The following FCHO2 variants were observed in gnomAD, a reference collection of about 807,000 sequenced individuals.
FCHO2 encodes FCH and mu domain containing endocytic adaptor 2, also known as F-BAR domain only protein 2.
Under a neutral mutation model 114.1 loss-of-function variants are expected in FCHO2, and 43 were observed. The observed-to-expected ratio is 0.38, with a 90% CI of 0.30 to 0.49. The LOEUF (loss-of-function observed/expected upper bound fraction) is 0.49, where lower values mean the gene tolerates loss of function less well. FCHO2 is among the 20% of genes least tolerant of loss of function. The pLI, the probability that FCHO2 is intolerant of heterozygous loss-of-function variation, is 0.97. For missense variants in FCHO2, 807 were observed against 950.4 expected, an observed-to-expected ratio of 0.85 and a Z score of 1.98; for synonymous variants, 293 against 315.2, an observed-to-expected ratio of 0.93 and a Z score of 0.75.
intron 23 of FCHO2, 128 bp from the exon 24 acceptor site, chr5:73,082,633 A>T: frequency 1.4e-6 from 1 of 728,446 alleles, no homozygotes; most frequent in Non-Finnish European, 2.3e-6. Flanking sequence ...ACCAGTTAAT[A>T]CTACTTAAAC....
At position 73,052,533 on chromosome 5, in the gene FCHO2, TTATA is replaced by T. The variant is rs759335063; in HGVS notation, c.1173+29_1173+32del. 4 of 1,533,350 alleles carry T rather than the reference TTATA, an allele frequency of 2.6e-6. No homozygotes were observed. In the South Asian group the frequency reaches 4.9e-5, roughly 19 times the overall value. 95.0% of individuals were successfully genotyped at this position (1,533,350 alleles called of 1,614,324 possible). On this transcript the variant is annotated intron_variant, in intron 13 of 25. Coordinates refer to ENST00000430046, the MANE Select transcript of FCHO2 (RefSeq NM_138782.3). ...GTAAGTACAAACACGTTTGTACTCT[TTATA>T]TAAAAGTCTTTATTTTTCTTACCTA...
At chr5:72,958,238 TCTAACCCAAAAATTATTTGC>T (rs1184023499) in intron 1 of FCHO2, among the ~76,000 whole-genome samples, 1 of 152,198 alleles carries the variant, frequency 6.6e-6, no homozygotes, top group Non-Finnish European at 1.5e-5. Context: ...TTTTATTGCA[TCTAACCCAAAAATTATTTGC>T]CTAACCCAAA....
intron 22 of FCHO2, among the ~76,000 whole-genome samples, chr5:73,080,775 A>G (rs941388624): frequency 7.9e-5 from 12 of 152,154 alleles, no homozygotes; most frequent in Non-Finnish European, 1.5e-4. Context: ...TATTCAGTGC[A>G]TGTAATTGCT....
At chr5:73,004,832 G>T (rs1754631640) in intron 5 of FCHO2, among the ~76,000 whole-genome samples, 1 of 152,042 alleles carries the variant, frequency 6.6e-6, no homozygotes, top group South Asian at 2.1e-4. Flanking sequence ...TGTTATAATT[G>T]TTATATTTTA....
At chr5:73,032,240 T>A (rs931181247) in intron 8 of FCHO2, among the ~76,000 whole-genome samples, 7 of 152,236 alleles carry the variant, frequency 4.6e-5, no homozygotes, top group African/African-American at 7.2e-5. Flanking sequence ...ATGGTTTTTT[T>A]AAAAAGGTAG....
rs920300186 is a variant in FCHO2 at position 73,056,105 on chromosome 5, T to A, written c.1251T>A (p.Asn417Lys). The A allele has an allele frequency of 7.9e-6, 12 of 1,527,492 alleles. No individual in the cohort carries two copies. The African/African-American group carries it at 9.8e-5, about 12-fold the overall frequency. 94.6% of individuals were successfully genotyped at this position (1,527,492 alleles called of 1,614,324 possible). The change falls in exon 16 of 26, where the codon AAT becomes AAA. Residue 417 changes from asparagine to lysine, a missense_variant and splice_region_variant. Asn to Lys is a moderately conservative substitution (Grantham distance 94). Coordinates refer to ENST00000430046, the MANE Select transcript of FCHO2 (RefSeq NM_138782.3). ...AATCAAAGCCATCTGCTCCACCCAA[T>A]GAGTAAGTTTCCATGTTTAATTTTG... Reference protein sequence around the residue: ...LTKSKPSAPPNEKGTSDLLAW... With the variant: ...LTKSKPSAPPKEKGTSDLLAW...
intron 2 of FCHO2, among the ~76,000 whole-genome samples, chr5:72,980,765 C>A (rs1201342443): frequency 6.6e-6 from 1 of 152,088 alleles, no homozygotes; most frequent in Non-Finnish European, 1.5e-5. Flanking sequence ...AGGATTGCAA[C>A]CCCTGCTTTT....
At chr5:73,068,098 G>A (rs917317984) in intron 18 of FCHO2, among the ~76,000 whole-genome samples, 1 of 151,912 alleles carries the variant, frequency 6.6e-6, no homozygotes, top group Non-Finnish European at 1.5e-5. Flanking sequence ...ATTTAAGGAG[G>A]AAAATATTTG....
At chr5:73,062,854 C>T (rs370707752) in intron 17 of FCHO2, among the ~76,000 whole-genome samples, 6 of 152,006 alleles carry the variant, frequency 3.9e-5, no homozygotes, top group South Asian at 4.2e-4. Flanking sequence ...TTTATTTCCC[C>T]GTGTGTATAC....
At chr5:73,005,707 TTA>T (rs1371147658) in intron 5 of FCHO2, among the ~76,000 whole-genome samples, 2 of 152,214 alleles carry the variant, frequency 1.3e-5, no homozygotes, top group Admixed American at 1.3e-4. Context: ...GCCTATCTTC[TTA>T]TAATTTACCT....
At chr5:72,959,765 C>A (rs1335101480) in intron 1 of FCHO2, among the ~76,000 whole-genome samples, 5 of 151,398 alleles carry the variant, frequency 3.3e-5, no homozygotes, top group African/African-American at 1.2e-4. Flanking sequence ...TCTCTTCTCT[C>A]TCTTCTCTTC....
intron 11 of FCHO2, among the ~76,000 whole-genome samples, chr5:73,049,002 G>A (rs1757213909): frequency 6.8e-6 from 1 of 146,248 alleles, no homozygotes; most frequent in African/African-American, 2.5e-5. Context: ...TCAGCCTCCC[G>A]AGTAGCTGGG....
chr5:73,041,621 T>C lies in FCHO2; in HGVS notation c.939+306T>C, dbSNP rs142643234. Among the ~76,000 whole-genome samples the C allele has an allele frequency of 9.1e-4, 139 of 152,206 alleles. 1 individual carries two copies. In the East Asian group the frequency reaches 0.024, roughly 26 times the overall value. ...CCAGAAATCAAATCTGTATACTTTA[T>C]TTTAAAATGTGGTGTTCTTACTAAT... is the stretch of plus-strand genomic sequence containing the variant. On this transcript the variant is annotated intron_variant, in intron 11 of 25. Transcript: ENST00000430046.
intron 22 of FCHO2, among the ~76,000 whole-genome samples, chr5:73,078,769 G>A (rs1161385663): frequency 6.6e-6 from 1 of 152,164 alleles, no homozygotes; most frequent in Admixed American, 6.6e-5. Flanking sequence ...TTCCTCTCAC[G>A]AGAACCAATT....
chr5:73,028,641 T>G (rs923354544), intron 8 of FCHO2, among the ~76,000 whole-genome samples: 1 of 150,078 alleles, frequency 6.7e-6, no homozygotes, highest in Non-Finnish European at 1.5e-5. Context: ...ACATATTATA[T>G]GATTCTTTTT....
At chr5:73,035,023 G>T (rs1400234823) in intron 9 of FCHO2, among the ~76,000 whole-genome samples, 1 of 152,054 alleles carries the variant, frequency 6.6e-6, no homozygotes. Context: ...TTTAAGCCTT[G>T]TTAATCCATG....
At chr5:72,996,016 G>T (rs1462838195) in intron 5 of FCHO2, among the ~76,000 whole-genome samples, 1 of 152,070 alleles carries the variant, frequency 6.6e-6, no homozygotes, top group Non-Finnish European at 1.5e-5. Context: ...GCCACGGTGG[G>T]TGGATCACCT....
At chr5:72,966,521 G>C (rs994684873) in intron 1 of FCHO2, among the ~76,000 whole-genome samples, 1 of 152,308 alleles carries the variant, frequency 6.6e-6, no homozygotes, top group African/African-American at 2.4e-5. Flanking sequence ...AGAGGCTGTG[G>C]TTTTATGTTA....
rs1004146557 is a variant in FCHO2, at chr5:73,058,351, T to G, written c.1254-82T>G. 11 of 994,088 alleles carry G rather than the reference T, an allele frequency of 1.1e-5. No homozygotes were observed. The African/African-American group carries it at 1.5e-4, about 13-fold the overall frequency. The allele number at this position is 994,088 out of a possible 1,614,324, so 61.6% of individuals were successfully genotyped here. A position where few individuals can be genotyped will look rare whatever the true frequency, so the allele number is the denominator to read the frequency against. Reference sequence around the variant, plus strand: ...TGTATATTGAGCTGTTAGAATTCTATGAAATAAAAATAAGTGACTAGAAAT... The same window carrying G: ...TGTATATTGAGCTGTTAGAATTCTAGGAAATAAAAATAAGTGACTAGAAAT... On this transcript the variant is annotated intron_variant, in intron 16 of 25. Transcript: ENST00000430046.
Sources: allele counts gnomAD v4.1 joint callset (sites outside exome capture counted in the v4.1 genomes callset), GRCh38; gene constraint gnomAD v4.1.1; transcripts MANE v1.5; gene names NCBI Gene and HGNC (gene_info 2026-07-23, HGNC 2026-07-21).